Variants in AOAH observed in about 807,000 individuals in gnomAD.
AOAH encodes acyloxyacyl hydrolase, also known as acyloxyacyl hydrolase (neutrophil).
AOAH carries 64 observed loss-of-function variants against 92.2 expected under a neutral mutation model. That is an observed-to-expected ratio of 0.69 (90% CI 0.57 to 0.86). The LOEUF (loss-of-function observed/expected upper bound fraction) is 0.86, where lower values mean the gene tolerates loss of function less well. Ranked by LOEUF, AOAH falls within the 40% of genes least tolerant of loss-of-function variation. The probability of loss-of-function intolerance (pLI) is 0.00; values close to 1 mark genes in which losing one functional copy is unlikely to be tolerated. For missense variants in AOAH, 656 were observed against 694.6 expected (o/e 0.94, Z 0.62); for synonymous variants, 263 against 254.5 (o/e 1.03, Z -0.32).
At chr7:36,533,804 C>T (rs1181456726) in intron 16 of AOAH, among the ~76,000 whole-genome samples, 1 of 152,096 alleles carries the variant, frequency 6.6e-6, no homozygotes, top group Admixed American at 6.5e-5. Context: ...CCTCCACGTG[C>T]TCTCCTGGCT....
At chr7:36,591,686 C>G (rs1789754732) in intron 12 of AOAH, among the ~76,000 whole-genome samples, 1 of 152,172 alleles carries the variant, frequency 6.6e-6, no homozygotes, top group Non-Finnish European at 1.5e-5. Context: ...AGGGAGTAAA[C>G]CCCTGGTGGG....
At chr7:36,675,988 T>G (rs1434110809) in intron 2 of AOAH, among the ~76,000 whole-genome samples, 2 of 152,224 alleles carry the variant, frequency 1.3e-5, no homozygotes, top group Admixed American at 1.3e-4. Flanking sequence ...ATAAAGGTTA[T>G]CTACAAAAAA....
intron 11 of AOAH, among the ~76,000 whole-genome samples, chr7:36,612,385 TG>T (rs1178577160): frequency 6.6e-6 from 1 of 152,230 alleles, no homozygotes; most frequent in Non-Finnish European, 1.5e-5. Context: ...TATTAATATG[TG>T]TATTAACTGG....
intron 12 of AOAH, among the ~76,000 whole-genome samples, chr7:36,585,192 C>A (rs764159614): frequency 9.2e-5 from 14 of 151,782 alleles, no homozygotes; most frequent in Non-Finnish European, 1.9e-4. Flanking sequence ...GGGGGATGAT[C>A]CCTGAGGGGT....
At chr7:36,681,696 G>C (rs1301847801) in intron 2 of AOAH, among the ~76,000 whole-genome samples, 1 of 152,146 alleles carries the variant, frequency 6.6e-6, no homozygotes, top group Non-Finnish European at 1.5e-5. Flanking sequence ...AGCTACTCGG[G>C]AGGCTGAGGC....
intron 18 of AOAH, among the ~76,000 whole-genome samples, chr7:36,531,309 T>TTTTTATGTAAAAAATGTTCAATAAG (rs1784677448): frequency 6.6e-6 from 1 of 152,198 alleles, no homozygotes; most frequent in Non-Finnish European, 1.5e-5. Flanking sequence ...TGAAATATGC[T>TTTTTATGTAAAAAATGTTCAATAAG]TTTTATGTAA....
chr7:36,710,850 A>G (rs1020278242), intron 1 of AOAH, among the ~76,000 whole-genome samples: 5 of 152,052 alleles, frequency 3.3e-5, no homozygotes, highest in African/African-American at 1.2e-4. Context: ...TTGATTTCCA[A>G]AAGAATAGAT....
Position 36,616,452 on chromosome 7 carries a change from A to C in AOAH, c.774T>G (p.Ile258Met). Reference protein sequence around the residue: ...FCEGSQPRGIILLGDSAGAHF... With the variant: ...FCEGSQPRGIMLLGDSAGAHF... Reference sequence around the variant, plus strand: ...GAGCCCCAGCTGAGTCTCCCAGCAAAATGATTCCCCTGGGCTGTGAACCTA... The same window carrying C: ...GAGCCCCAGCTGAGTCTCCCAGCAACATGATTCCCCTGGGCTGTGAACCTA... The change falls in exon 11 of 21, where the codon ATT (isoleucine) becomes ATG (methionine). Residue 258 changes from isoleucine (I) to methionine (M), a missense_variant. Coordinates refer to ENST00000617537, the MANE Select transcript of AOAH (RefSeq NM_001637.4). 1 of 1,614,112 alleles carries C rather than the reference A, an allele frequency of 6.2e-7. No individual in the cohort carries two copies. Among genetic ancestry groups the C allele is most frequent in the Non-Finnish European group, 8.5e-7 (1 of 1,179,974 alleles).
At chr7:36,662,929 AC>A (rs769399994) in intron 3 of AOAH, among the ~76,000 whole-genome samples, 6 of 152,158 alleles carry the variant, frequency 3.9e-5, no homozygotes, top group East Asian at 3.9e-4. Context: ...AAAATGCTGA[AC>A]CCCATAAATC....
In AOAH at chr7:36,686,747, T is replaced by C. The variant is rs763594533; in HGVS notation, c.175A>G (p.Asn59Asp). The C allele has an allele frequency of 6.3e-7, 1 of 1,581,382 alleles. No individual in the cohort carries two copies. The highest frequency in any genetic ancestry group is 1.2e-5 in the South Asian group (1 of 86,300). ...TCCATCGAGGCCTGGACCGTCGAGT[T>C]GTGAACTTGAGCAAGCTGTTCTATT... ...SVIEQLAQVH[N>D]STVQASMERL... The change falls in exon 2 of 21, where the codon AAC (asparagine) becomes GAC (aspartate). Residue 59 changes from asparagine (N) to aspartate (D), a missense_variant. By Grantham distance (23) the Asn-to-Asp change is conservative. Transcript: ENST00000617537.
chr7:36,552,740 T>C (rs1337894933), intron 13 of AOAH, among the ~76,000 whole-genome samples: 1 of 152,198 alleles, frequency 6.6e-6, no homozygotes, highest in African/African-American at 2.4e-5. Flanking sequence ...TCCCCACCTC[T>C]AGTAGTCTTG....
Position 36,554,699 on chromosome 7 carries a change from C to T in AOAH, c.1022-5224G>A, listed in dbSNP as rs1166579644. Among the ~76,000 whole-genome samples the T allele has an allele frequency of 1.0e-3, 152 of 150,958 alleles. 1 individual carries two copies. Among genetic ancestry groups the T allele is most frequent in the African/African-American group, 2.8e-3 (117 of 41,146 alleles). On this transcript the variant is annotated intron_variant, in intron 13 of 20. Transcript: ENST00000617537. ...TAGTTCTCCTTGAAGAGGTCCTTCA[C>T]GTCCCTTGTAAGTTGGATTCCTAAG...
chr7:36,711,729 C>T (rs553501681), intron 1 of AOAH, among the ~76,000 whole-genome samples: 75 of 152,244 alleles, frequency 4.9e-4, no homozygotes, highest in East Asian at 2.1e-3. Context: ...AGCTAGACCG[C>T]GAAGATCTGC....
At chr7:36,545,613 T>C (rs1785756334) in intron 15 of AOAH, among the ~76,000 whole-genome samples, 1 of 152,204 alleles carries the variant, frequency 6.6e-6, no homozygotes, top group Non-Finnish European at 1.5e-5. Flanking sequence ...TGGGTGGTTC[T>C]GGCTCTCTCC....
At chr7:36,716,192 A>AGACATTTATGCAGCCAAAAGAC (rs1422108594) in intron 1 of AOAH, among the ~76,000 whole-genome samples, 4 of 152,268 alleles carry the variant, frequency 2.6e-5, no homozygotes, top group Admixed American at 6.5e-5. Flanking sequence ...TCTCAAAAGA[A>AGACATTTATGCAGCCAAAAGAC]GACATTTATG....
intron 12 of AOAH, among the ~76,000 whole-genome samples, chr7:36,579,905 A>T (rs1236558827): frequency 6.6e-6 from 1 of 152,198 alleles, no homozygotes; most frequent in Admixed American, 6.5e-5. Flanking sequence ...ACTCAGTATT[A>T]ACCATCACAG....
At chr7:36,621,567 T>G in intron 8 of AOAH, 143 bp downstream of exon 8, 1 of 838,628 alleles carries the variant, frequency 1.2e-6, no homozygotes, top group East Asian at 2.4e-5. Flanking sequence ...CCGTTCTTTT[T>G]TCACTGAGCT....
chr7:36,572,875 A>C (rs1788229926), intron 13 of AOAH, among the ~76,000 whole-genome samples: 1 of 152,248 alleles, frequency 6.6e-6, no homozygotes, highest in African/African-American at 2.4e-5. Flanking sequence ...GCACTGCCTT[A>C]TCCCACTGAG....
intron 12 of AOAH, among the ~76,000 whole-genome samples, chr7:36,580,238 T>A (rs1287260235): frequency 2.6e-5 from 4 of 152,230 alleles, no homozygotes; most frequent in African/African-American, 9.6e-5. Context: ...ACCGGTCTTG[T>A]AATTTTCCCT....
Sources: allele counts gnomAD v4.1 joint callset (sites outside exome capture counted in the v4.1 genomes callset), GRCh38; gene constraint gnomAD v4.1.1; transcripts MANE v1.5; gene names NCBI Gene and HGNC (gene_info 2026-07-23, HGNC 2026-07-21).